Variants in RPTOR observed in about 807,000 individuals in gnomAD.
The protein encoded by RPTOR is regulatory associated protein of MTOR complex 1, also known as regulatory-associated protein of mTOR.
RPTOR carries 21 observed loss-of-function variants against 169.9 expected under a neutral mutation model. That is an observed-to-expected ratio of 0.12 (90% CI 0.09 to 0.18). The LOEUF is 0.18. Ranked by LOEUF, RPTOR falls within the 10% of genes least tolerant of loss-of-function variation. The pLI, the probability that RPTOR is intolerant of heterozygous loss-of-function variation, is 1.00. For synonymous variants in RPTOR, 732 were observed against 753.2 expected, an observed-to-expected ratio of 0.97 and a Z score of 0.46; for missense variants, 1,133 against 1,855.9, an observed-to-expected ratio of 0.61 and a Z score of 7.16.
At chr17:80,560,694 T>C (rs1599549068) in intron 1 of RPTOR, among the ~76,000 whole-genome samples, 1 of 152,296 alleles carries the variant, frequency 6.6e-6, no homozygotes, top group Admixed American at 6.5e-5. Context: ...TCCCTTGTGC[T>C]GTGGGAGCCG....
chr17:80,896,564 A>G (rs77631335), intron 20 of RPTOR, among the ~76,000 whole-genome samples: 4,748 of 20,942 alleles, frequency 0.23, 208 homozygotes, highest in African/African-American at 0.33. Flanking sequence ...CACCCCACAC[A>G]GCCGCGCCGA....
chr17:80,702,724 C>T (rs1192022941), intron 3 of RPTOR, among the ~76,000 whole-genome samples: 1 of 152,212 alleles, frequency 6.6e-6, no homozygotes, highest in East Asian at 1.9e-4. Flanking sequence ...ATAAGACCTT[C>T]ACAGAGCCAG....
chr17:80,873,644 C>T (rs1409030469), intron 13 of RPTOR, among the ~76,000 whole-genome samples: 3 of 152,184 alleles, frequency 2.0e-5, no homozygotes, highest in Non-Finnish European at 4.4e-5. Flanking sequence ...AGAGGGAGCT[C>T]ACCACATTCC....
At chr17:80,835,937 ATGT>A (rs143147426) in intron 9 of RPTOR, among the ~76,000 whole-genome samples, 1,665 of 152,208 alleles carry the variant, frequency 0.011, 31 homozygotes, top group African/African-American at 0.038. Flanking sequence ...TTCATGTTGG[ATGT>A]TGTGGCGGGG....
intron 7 of RPTOR, among the ~76,000 whole-genome samples, chr17:80,821,313 C>T (rs1373130976): frequency 6.6e-6 from 1 of 152,228 alleles, no homozygotes; most frequent in Non-Finnish European, 1.5e-5. Context: ...TGCATAGCCT[C>T]TTTGAATATT....
intron 6 of RPTOR, among the ~76,000 whole-genome samples, chr17:80,781,388 T>C (rs2143456464): frequency 6.6e-6 from 1 of 152,298 alleles, no homozygotes; most frequent in African/African-American, 2.4e-5. Flanking sequence ...TTCCTCCCCG[T>C]GGCCGCCCTG....
chr17:80,791,547 C>G, intron 7 of RPTOR, 38 bp downstream of exon 7: 1 of 1,578,726 alleles, frequency 6.3e-7, no homozygotes, highest in Admixed American at 1.8e-5. Context: ...CTCTCTGGAT[C>G]TGATGAGTTT....
chr17:80,629,579 A>AT (rs2065425827), intron 2 of RPTOR, among the ~76,000 whole-genome samples: 1 of 98,934 alleles, frequency 1.0e-5, no homozygotes, highest in African/African-American at 3.8e-5. Flanking sequence ...CAGCTCTTCC[A>AT]TGTGTTTCTC....
In RPTOR at chr17:80,666,170, GGTTTGCC is replaced by G. The variant is rs1234385157; in HGVS notation, c.348+22361_348+22367del. Among the ~76,000 whole-genome samples the G allele has an allele frequency of 6.6e-3, 997 of 151,994 alleles. 14 individuals carry two copies. The highest frequency in any genetic ancestry group is 0.023 in the African/African-American group (948 of 41,448). On this transcript the variant is annotated intron_variant, in intron 3 of 33. Transcript: ENST00000306801. The stretch of plus-strand genomic sequence containing the variant: ...TAAAATATTACTCTTCTCCAAAGTT[GGTTTGCC>G]AAAATAAATTATGTTTATTATCTAC...
chr17:80,576,073 A>G (rs1316077819), intron 1 of RPTOR, among the ~76,000 whole-genome samples: 1 of 152,186 alleles, frequency 6.6e-6, no homozygotes, highest in East Asian at 1.9e-4. Flanking sequence ...GTCCTTTTAT[A>G]TAAGTCAACA....
At position 80,707,945 on chromosome 17, in the gene RPTOR, T is replaced by C. The variant is rs1478434441; in HGVS notation, c.453T>C (p.Asn151=). 6.2e-7 allele frequency: 1 copy of C among 1,613,888 alleles called. No individual in the cohort carries two copies. The highest frequency in any genetic ancestry group is 2.2e-5 in the East Asian group (1 of 44,878). ...AGGAGCGAGTCCTCTTTCACTACAA[T>C]GGCCACGGGGTGCCCCGGCCCACAG... The part of the protein sequence containing the change: ...AKEERVLFHY[N]GHGVPRPTVN... The change falls in exon 4 of 34, where the codon AAT becomes AAC. Residue 151 remains asparagine, a synonymous_variant. Transcript: ENST00000306801. This position sits in a 1 kb window ranked among gnomAD's most constrained non-coding sequence, Gnocchi z 5.0.
At chr17:80,833,269 C>T (rs1280892411) in intron 9 of RPTOR, among the ~76,000 whole-genome samples, 1 of 152,214 alleles carries the variant, frequency 6.6e-6, no homozygotes, top group African/African-American at 2.4e-5. Flanking sequence ...AGTGACTCAT[C>T]AGAACAGCCA....
chr17:80,799,919 C>T (rs2143526012), intron 7 of RPTOR, among the ~76,000 whole-genome samples: 1 of 152,370 alleles, frequency 6.6e-6, no homozygotes, highest in Non-Finnish European at 1.5e-5. Flanking sequence ...GCACCTGCCC[C>T]ATGCCCATGT....
At chr17:80,559,913 C>T (rs772486084) in intron 1 of RPTOR, among the ~76,000 whole-genome samples, 1 of 152,190 alleles carries the variant, frequency 6.6e-6, no homozygotes, top group Non-Finnish European at 1.5e-5. Flanking sequence ...TGCACAGACC[C>T]CAGCTATCTG....
At chr17:80,621,076 T>G (rs569730828) in intron 1 of RPTOR, among the ~76,000 whole-genome samples, 1 of 152,342 alleles carries the variant, frequency 6.6e-6, no homozygotes, top group African/African-American at 2.4e-5. Flanking sequence ...CTTTGTATAG[T>G]GTAGCTACTT....
intron 3 of RPTOR, among the ~76,000 whole-genome samples, chr17:80,685,627 A>ATATATATATATATTTTTTTTTTTTTT (rs1269766086): frequency 3.3e-5 from 1 of 30,700 alleles, no homozygotes; most frequent in Non-Finnish European, 5.4e-5. Context: ...ATATATATAT[A>ATATATATATATATTTTTTTTTTTTTT]TTTTTTTTTT....
At chr17:80,800,851 G>A (rs74001067) in intron 7 of RPTOR, among the ~76,000 whole-genome samples, 2,186 of 152,300 alleles carry the variant, frequency 0.014, 48 homozygotes, top group African/African-American at 0.05. Flanking sequence ...GGCTCAAAGC[G>A]TACCCAGAAC....
Position 80,665,440 on chromosome 17 carries a change from T to G in RPTOR, c.348+21630T>G, listed in dbSNP as rs1567846386. ...TTCCTTTCCTTTCCTTTCCTTTCCTTTCCTTTCCTTTCCTTTCCTTTCCTT... is the reference window on the plus strand; with the variant it reads ...TTCCTTTCCTTTCCTTTCCTTTCCTGTCCTTTCCTTTCCTTTCCTTTCCTT... On this transcript the variant is annotated intron_variant, in intron 3 of 33. Coordinates refer to ENST00000306801, the MANE Select transcript of RPTOR (RefSeq NM_020761.3). Among the ~76,000 whole-genome samples the G allele has an allele frequency of 7.1e-3, 139 of 19,656 alleles. 2 individuals are homozygous for G. In the African/African-American group the frequency reaches 0.073, roughly 10 times the overall value. 12.9% of individuals were successfully genotyped at this position (19,656 alleles called of 152,430 possible). A position where few individuals can be genotyped will look rare whatever the true frequency, so the allele number is the denominator to read the frequency against.
At position 80,742,798 on chromosome 17, in the gene RPTOR, A is replaced by G. The variant is rs202026906; in HGVS notation, c.655-11212A>G. Among the ~76,000 whole-genome samples the G allele has an allele frequency of 4.0e-5, 6 of 151,692 alleles. No homozygotes were observed. In the East Asian group the frequency reaches 9.7e-4, roughly 24 times the overall value. The stretch of plus-strand genomic sequence containing the variant: ...TATACATGTGCATACACACATGCAC[A>G]CGCCTATATACACATATATACATGC... On this transcript the variant is annotated intron_variant, in intron 5 of 33. Transcript: ENST00000306801.
Sources: gnomAD v4.1 joint callset for allele counts (sites outside exome capture counted in the v4.1 genomes callset) on GRCh38, gnomAD v4.1.1 for gene constraint, Gnocchi (gnomAD v3.1) non-coding constraint, MANE v1.5 for transcripts, NCBI Gene and HGNC (gene_info 2026-07-23, HGNC 2026-07-21) for gene names.